Variants in HACD3 observed in about 807,000 individuals in gnomAD.
HACD3 encodes the protein very-long-chain (3R)-3-hydroxyacyl-CoA dehydratase 3.
A neutral mutation model predicts 55.2 loss-of-function variants in HACD3; 30 were observed. The ratio of observed to expected loss-of-function variants is 0.54; its 90% CI spans 0.41 to 0.74. The LOEUF (loss-of-function observed/expected upper bound fraction) is 0.74. Ranked by LOEUF, HACD3 falls within the 30% of genes least tolerant of loss-of-function variation. The pLI is 0.00. For missense variants in HACD3, 363 were observed against 440.1 expected, an observed-to-expected ratio of 0.82 and a Z score of 1.57; for synonymous variants, 141 against 151.7, an observed-to-expected ratio of 0.93 and a Z score of 0.52.
rs776641607 is a variant in HACD3, at chr15:65,577,356, CA to C, written c.*979del. On this transcript the variant is annotated 3_prime_UTR_variant, in exon 11 of 11. Transcript: ENST00000261875. ...TGGGAGGATCCTGAGCTCAGGAGGT[CA>C]AGGCTGCAGTGAGCCGAGATTGTGC... The C allele has an allele frequency of 6.6e-6, 1 of 152,156 alleles. No individual in the cohort carries two copies. Among genetic ancestry groups the C allele is most frequent in the Non-Finnish European group, 1.5e-5 (1 of 68,114 alleles). 9.4% of individuals were successfully genotyped at this position (152,156 alleles called of 1,614,324 possible).
chr15:65,549,709 G>A lies in HACD3; in HGVS notation c.88-1967G>A, dbSNP rs139459644. On this transcript the variant is annotated intron_variant, in intron 1 of 10. Coordinates refer to ENST00000261875, the MANE Select transcript of HACD3 (RefSeq NM_016395.4). ...TTTCAGAGAGGACTATACACTTAGG[G>A]TTAGGATGAACTAGAAATAAGCCCA... is the stretch of plus-strand genomic sequence containing the variant. Among the ~76,000 whole-genome samples, 35 of 152,176 alleles carry A rather than the reference G, an allele frequency of 2.3e-4. No homozygotes were observed. The East Asian group carries it at 6.0e-3, about 26-fold the overall frequency.
intron 1 of HACD3, among the ~76,000 whole-genome samples, chr15:65,534,806 C>T (rs943867743): frequency 1.3e-5 from 2 of 152,128 alleles, no homozygotes; most frequent in Non-Finnish European, 2.9e-5. Flanking sequence ...ACTCATAGGA[C>T]CATTTTGAGA....
At position 65,535,009 on chromosome 15, in the gene HACD3, A is replaced by G. The variant is rs191510209; in HGVS notation, c.87+4291A>G. On this transcript the variant is annotated intron_variant, in intron 1 of 10. Coordinates refer to ENST00000261875, the MANE Select transcript of HACD3 (RefSeq NM_016395.4). ...TGACAAGAGGCGCTCTTACAAATTAATGAGGAGAGAATGACCCATTCAGGA... is the reference window on the plus strand; with the variant it reads ...TGACAAGAGGCGCTCTTACAAATTAGTGAGGAGAGAATGACCCATTCAGGA... Among the ~76,000 whole-genome samples, 166 of 152,338 alleles carry G rather than the reference A, an allele frequency of 1.1e-3. 1 individual carries two copies. Among genetic ancestry groups the G allele is most frequent in the Admixed American group, 9.7e-3 (149 of 15,296 alleles).
At chr15:65,551,523 A>T (rs1249833188) in intron 1 of HACD3, among the ~76,000 whole-genome samples, 153 bp from the exon 2 acceptor site, 1 of 152,214 alleles carries the variant, frequency 6.6e-6, no homozygotes, top group Non-Finnish European at 1.5e-5. Context: ...GCCTACAGAG[A>T]TGTGAATAAA....
chr15:65,556,882 G>C lies in HACD3; in HGVS notation c.348G>C (p.Ala116=), dbSNP rs537695504. 6.2e-7 allele frequency: 1 copy of C among 1,612,574 alleles called. No individual in the cohort carries two copies. Residue 116 remains alanine, a synonymous_variant, in exon 4 of 11, where the codon GCG becomes GCC. Transcript: ENST00000261875. Reference sequence around the variant, plus strand: ...ATCGTTGGCTGGATGAATCTGATGCGGAAATGGAGCTCAGAGCTAAGGTTA... The same window carrying C: ...ATCGTTGGCTGGATGAATCTGATGCCGAAATGGAGCTCAGAGCTAAGGTTA... The part of the protein sequence containing the change: ...DFDRWLDESD[A]EMELRAKEEE...
chr15:65,556,670 G>GC (rs2072193511), intron 3 of HACD3, 69 bp from the exon 4 acceptor site: 1 of 1,447,448 alleles, frequency 6.9e-7, no homozygotes, highest in Admixed American at 2.2e-5. Context: ...TCTATGTACG[G>GC]CGCCCCTGGC....
rs1567338806 is a variant in HACD3 at position 65,564,110 on chromosome 15, T to C, written c.533-105T>C. The C allele has an allele frequency of 2.9e-6, 4 of 1,376,326 alleles. No individual in the cohort carries two copies. The Admixed American group carries it at 7.4e-5, about 26-fold the overall frequency. The allele number at this position is 1,376,326 out of a possible 1,614,324, so 85.3% of individuals were successfully genotyped here. ...CTTGAATCTGACTGGATGTTTGTTA[T>C]TCCTTTCTTACAGTTATTTTCACGA... On this transcript the variant is annotated intron_variant, in intron 6 of 10. Coordinates refer to ENST00000261875, the MANE Select transcript of HACD3 (RefSeq NM_016395.4).
At chr15:65,538,538 G>A (rs117055607) in intron 1 of HACD3, among the ~76,000 whole-genome samples, 2,946 of 152,320 alleles carry the variant, frequency 0.019, 50 homozygotes, top group Middle Eastern at 0.061. Flanking sequence ...GTGATTTATT[G>A]AGATGGAATC....
chr15:65,576,363 A>G lies in HACD3; in HGVS notation c.1073A>G (p.Lys358Arg). The G allele has an allele frequency of 1.9e-6, 3 of 1,601,180 alleles. No homozygotes were observed. In the South Asian group the frequency reaches 3.4e-5, roughly 18 times the overall value. The stretch of plus-strand genomic sequence containing the variant: ...CGCAGACGGCGCTATGGACAAAAAA[A>G]GAAAAAGATCCACTAAAAAGAAAGA... ...KQRRRRYGQK[K>R]KKIH The change falls in exon 11 of 11, where the codon AAG becomes AGG. Residue 358 changes from lysine (K) to arginine (R), a missense_variant. Lys to Arg is a conservative substitution (Grantham distance 26). Coordinates refer to ENST00000261875, the MANE Select transcript of HACD3 (RefSeq NM_016395.4).
intron 5 of HACD3, among the ~76,000 whole-genome samples, chr15:65,559,466 T>G (rs1201783832): frequency 1.3e-5 from 2 of 150,796 alleles, no homozygotes; most frequent in East Asian, 3.9e-4. Flanking sequence ...AAGTTGAAAT[T>G]TTTCAAATTT....
intron 10 of HACD3, among the ~76,000 whole-genome samples, chr15:65,572,960 AAAGT>A (rs976048545): frequency 1.0e-4 from 15 of 150,478 alleles, no homozygotes; most frequent in Admixed American, 6.6e-5. Flanking sequence ...TAAAAAAAAA[AAAGT>A]AAGGAGCCTT....
intron 1 of HACD3, among the ~76,000 whole-genome samples, chr15:65,536,276 G>A (rs546095113): frequency 6.6e-6 from 1 of 152,272 alleles, no homozygotes; most frequent in South Asian, 2.1e-4. Flanking sequence ...GGGATTACAG[G>A]TTTGAGCCAC....
At chr15:65,567,305 C>T (rs560400139) in intron 7 of HACD3, among the ~76,000 whole-genome samples, 303 of 151,870 alleles carry the variant, frequency 2.0e-3, no homozygotes, top group Non-Finnish European at 3.3e-3. Flanking sequence ...GGCAGCAGAG[C>T]GAGACCCCTG....
chr15:65,572,436 A>G (rs1054371928), intron 10 of HACD3, 70 bp downstream of exon 10: 2 of 1,419,648 alleles, frequency 1.4e-6, no homozygotes, highest in Non-Finnish European at 1.9e-6. Context: ...ATCATTCAGA[A>G]ATGTAAAAGT....
At chr15:65,555,009 C>T (rs756864246) in intron 3 of HACD3, 49 bp downstream of exon 3, 2 of 1,405,694 alleles carry the variant, frequency 1.4e-6, no homozygotes, top group Admixed American at 3.4e-5. Flanking sequence ...GAAATGAATA[C>T]CAGTAGTTTA....
At chr15:65,536,794 TA>T (rs2071959643) in intron 1 of HACD3, among the ~76,000 whole-genome samples, 1 of 152,160 alleles carries the variant, frequency 6.6e-6, no homozygotes, top group South Asian at 2.1e-4. Flanking sequence ...TTCTAAGTGT[TA>T]AAGTGAAGAG....
At chr15:65,568,378 TC>T (rs1005604885) in intron 7 of HACD3, among the ~76,000 whole-genome samples, 20 of 151,846 alleles carry the variant, frequency 1.3e-4, no homozygotes, top group African/African-American at 4.6e-4. Flanking sequence ...TTTTTTTTTT[TC>T]AGATGGTGTT....
Position 65,576,428 on chromosome 15 carries a change from T to C in HACD3, c.*49T>C. 1 of 1,520,388 alleles carries C rather than the reference T, an allele frequency of 6.6e-7. No individual in the cohort carries two copies. The allele number at this position is 1,520,388 out of a possible 1,614,324, so 94.2% of individuals were successfully genotyped here. ...TGCCAGTTTGAGCCTAATCTGATTC[T>C]TACAGTTTTACCTTCTTGAACCAAT... On this transcript the variant is annotated 3_prime_UTR_variant, in exon 11 of 11. Transcript: ENST00000261875.
intron 1 of HACD3, among the ~76,000 whole-genome samples, chr15:65,548,495 A>G (rs1466214223): frequency 1.3e-5 from 2 of 148,348 alleles, no homozygotes; most frequent in Admixed American, 1.3e-4. Context: ...CCTGGGTGAC[A>G]GAGGGAGATT....
Sources: allele counts gnomAD v4.1 joint callset (sites outside exome capture counted in the v4.1 genomes callset), GRCh38; gene constraint gnomAD v4.1.1; transcripts MANE v1.5; gene names NCBI Gene and HGNC (gene_info 2026-07-23, HGNC 2026-07-21).